The following CPNE4 variants were observed in gnomAD, a reference collection of about 807,000 sequenced individuals.
CPNE4 encodes the protein copine-4.
CPNE4 carries 25 observed loss-of-function variants against 67.9 expected under a neutral mutation model. That is an observed-to-expected ratio of 0.37 (90% CI 0.27 to 0.51). The LOEUF (loss-of-function observed/expected upper bound fraction) is 0.51. Ranked by LOEUF, CPNE4 falls within the 20% of genes least tolerant of loss-of-function variation. The pLI is 0.93. For synonymous variants in CPNE4, 242 were observed against 244.9 expected, an observed-to-expected ratio of 0.99 and a Z score of 0.11; for missense variants, 464 against 690.8, an observed-to-expected ratio of 0.67 and a Z score of 3.68.
At chr3:131,996,329 C>A (rs189512443) in intron 1 of CPNE4, among the ~76,000 whole-genome samples, 3 of 151,858 alleles carry the variant, frequency 2.0e-5, no homozygotes, top group Non-Finnish European at 4.4e-5. Flanking sequence ...AGGGGAGAAA[C>A]TCTATTAAAA....
chr3:131,707,085 T>A (rs997758393), intron 3 of CPNE4, among the ~76,000 whole-genome samples: 1 of 152,326 alleles, frequency 6.6e-6, no homozygotes, highest in Admixed American at 6.5e-5. Context: ...CTTCAAATAT[T>A]TTACATAGTT....
At chr3:131,717,879 TTTCTTTC>T (rs1426818458) in intron 3 of CPNE4, among the ~76,000 whole-genome samples, 1,262 of 36,096 alleles carry the variant, frequency 0.035, 45 homozygotes, top group South Asian at 0.066. Flanking sequence ...CTTTCTTTTC[TTTCTTTC>T]TTTCTTTCTT....
rs138600592 is a variant in CPNE4 at position 131,667,845 on chromosome 3, A to G, written c.681+1830T>C. 4.5e-3 allele frequency among the ~76,000 whole-genome samples: 686 copies of G among 151,892 alleles called. 6 individuals are homozygous for G. The highest frequency in any genetic ancestry group is 0.016 in the African/African-American group (660 of 41,422). ...TATCCTCCTCATAAAAAGTTTAATG[A>G]CTCCTCATAAAAAGTAGATATATGG... On this transcript the variant is annotated intron_variant, in intron 7 of 15. Transcript: ENST00000429747.
At chr3:131,912,214 C>T (rs950290151) in intron 1 of CPNE4, among the ~76,000 whole-genome samples, 1 of 152,134 alleles carries the variant, frequency 6.6e-6, no homozygotes, top group African/African-American at 2.4e-5. Flanking sequence ...TTATTAAAAA[C>T]TACCACTTCA....
At chr3:131,578,183 G>T (rs1016763986) in intron 9 of CPNE4, among the ~76,000 whole-genome samples, 1 of 151,980 alleles carries the variant, frequency 6.6e-6, no homozygotes, top group African/African-American at 2.4e-5. Flanking sequence ...GTATGTGCTC[G>T]CTTTGTGTCT....
At chr3:131,592,406 T>G (rs560350523) in intron 7 of CPNE4, among the ~76,000 whole-genome samples, 2 of 152,286 alleles carry the variant, frequency 1.3e-5, no homozygotes, top group African/African-American at 4.8e-5. Context: ...ACTGAGCATC[T>G]TTTATAAACC....
intron 1 of CPNE4, among the ~76,000 whole-genome samples, chr3:131,953,238 T>TAAAAAAA (rs369308316): frequency 0.41 from 31,259 of 75,324 alleles, 4,883 homozygotes; most frequent in East Asian, 0.56. Context: ...GAATGATCAA[T>TAAAAAAA]TAAAAAAAAA....
chr3:131,618,638 A>G (rs1940295462), intron 7 of CPNE4, among the ~76,000 whole-genome samples: 1 of 152,102 alleles, frequency 6.6e-6, no homozygotes. Context: ...ATTTGTTCTG[A>G]TCTCCCAGAA....
At chr3:131,674,820 T>C (rs962476153) in intron 6 of CPNE4, among the ~76,000 whole-genome samples, 1 of 151,974 alleles carries the variant, frequency 6.6e-6, no homozygotes, top group Non-Finnish European at 1.5e-5. Flanking sequence ...TTATTTCTGA[T>C]ATAATCATTA....
intron 2 of CPNE4, among the ~76,000 whole-genome samples, chr3:131,732,676 G>A (rs954262765): frequency 3.3e-5 from 5 of 152,112 alleles, no homozygotes; most frequent in Non-Finnish European, 5.9e-5. Flanking sequence ...GTCTCTTGCT[G>A]GTTCCTTTAA....
At chr3:131,792,892 AGT>A (rs1553772420) in intron 2 of CPNE4, among the ~76,000 whole-genome samples, 1,412 of 127,872 alleles carry the variant, frequency 0.011, 15 homozygotes, top group African/African-American at 0.028. Context: ...AGGTATTTCC[AGT>A]GTGTGTGTGT....
intron 7 of CPNE4, among the ~76,000 whole-genome samples, chr3:131,660,953 G>C (rs1257209461): frequency 6.6e-6 from 1 of 152,108 alleles, no homozygotes; most frequent in African/African-American, 2.4e-5. Context: ...CCTTTTGCCT[G>C]ATGGATCCAA....
At chr3:131,757,113 T>C (rs1258578236) in intron 2 of CPNE4, among the ~76,000 whole-genome samples, 1 of 152,020 alleles carries the variant, frequency 6.6e-6, no homozygotes, top group Non-Finnish European at 1.5e-5. Flanking sequence ...TTGGTACCAG[T>C]AAAGTAAGGG....
At chr3:131,843,543 G>A (rs1420487413) in intron 2 of CPNE4, among the ~76,000 whole-genome samples, 1 of 152,360 alleles carries the variant, frequency 6.6e-6, no homozygotes, top group East Asian at 1.9e-4. Context: ...AGTAACGTGT[G>A]TTGACAGTGT....
chr3:131,621,192 T>C (rs527798697), intron 7 of CPNE4, among the ~76,000 whole-genome samples: 1 of 152,172 alleles, frequency 6.6e-6, no homozygotes, highest in Non-Finnish European at 1.5e-5. Context: ...CTGTTCCTTA[T>C]AACTGCCAGT....
chr3:131,548,243 T>TTA (rs541727122), intron 14 of CPNE4, among the ~76,000 whole-genome samples: 29 of 151,986 alleles, frequency 1.9e-4, no homozygotes, highest in Middle Eastern at 6.8e-3. Context: ...GTACTTTTCA[T>TTA]TATATATATA....
intron 1 of CPNE4, among the ~76,000 whole-genome samples, chr3:132,005,342 TACACACACACACACACAC>T (rs71639016): frequency 0.022 from 1,940 of 86,292 alleles, 77 homozygotes; most frequent in African/African-American, 0.087. Flanking sequence ...TATATATATA[TACACACACACACACACAC>T]ACACACACAC....
At chr3:131,575,871 GCCAACTGCCATCATGTGTTCTCAA>G (rs1937536406) in intron 9 of CPNE4, among the ~76,000 whole-genome samples, 2 of 151,474 alleles carry the variant, frequency 1.3e-5, no homozygotes, top group Non-Finnish European at 2.9e-5. Flanking sequence ...GTTGCGTTAT[GCCAACTGCCATCATGTGTTCTCAA>G]GTACCTTAGG....
At chr3:131,639,857 CATAA>C (rs944538547) in intron 7 of CPNE4, among the ~76,000 whole-genome samples, 3 of 152,014 alleles carry the variant, frequency 2.0e-5, no homozygotes, top group African/African-American at 7.2e-5. Context: ...GTTTAACATA[CATAA>C]GTCAATAAAT....
Sources: allele counts gnomAD v4.1 joint callset (sites outside exome capture counted in the v4.1 genomes callset), GRCh38; gene constraint gnomAD v4.1.1; transcripts MANE v1.5; gene names NCBI Gene and HGNC (gene_info 2026-07-23, HGNC 2026-07-21).